The following CYRIB variants were observed in gnomAD, a reference collection of about 807,000 sequenced individuals.
CYRIB encodes CYFIP-related Rac1 interactor B.
In CYRIB, 8 loss-of-function variants were observed where a neutral mutation model predicts 44.2. The observed-to-expected ratio is 0.18, with a 90% CI of 0.11 to 0.33. The LOEUF (loss-of-function observed/expected upper bound fraction) is 0.33, where lower values mean the gene tolerates loss of function less well. Ranked by LOEUF, CYRIB falls within the 10% of genes least tolerant of loss-of-function variation. The pLI, the probability that CYRIB is intolerant of heterozygous loss-of-function variation, is 1.00. For missense variants in CYRIB, 185 were observed against 382.8 expected (o/e 0.48, Z 4.31); for synonymous variants, 131 against 127.2 (o/e 1.03, Z -0.20).
At chr8:129,862,970 T>C (rs920730090) in intron 4 of CYRIB, among the ~76,000 whole-genome samples, 1 of 152,146 alleles carries the variant, frequency 6.6e-6, no homozygotes, top group Non-Finnish European at 1.5e-5. Context: ...ATCCAATATG[T>C]TTGTTAAATA....
rs140786455 is a variant in CYRIB, at chr8:130,012,969, C to A, written c.-296+3401G>T. Among the ~76,000 whole-genome samples, 329 of 152,282 alleles carry A rather than the reference C, an allele frequency of 2.2e-3. 3 individuals carry two copies. Among genetic ancestry groups the A allele is most frequent in the African/African-American group, 7.3e-3 (302 of 41,558 alleles). On this transcript the variant is annotated intron_variant, in intron 1 of 14. Transcript: ENST00000401979. ...TTACAAGGCGTCCGTCTTCAACAGG[C>A]CTTTATCAAGTATCCCCTTTAGGGA...
At chr8:129,911,530 G>A (rs758828917) in intron 1 of CYRIB, among the ~76,000 whole-genome samples, 4 of 151,914 alleles carry the variant, frequency 2.6e-5, no homozygotes, top group South Asian at 2.1e-4. Flanking sequence ...GGCCGGACGC[G>A]GTGGCTCACA....
chr8:129,977,787 C>T (rs112226302), intron 1 of CYRIB, among the ~76,000 whole-genome samples: 4,282 of 152,304 alleles, frequency 0.028, 188 homozygotes, highest in African/African-American at 0.094. Context: ...CCGCCTTGGC[C>T]TCCCAAAGTG....
chr8:129,910,477 CTTTTTTTTTTTTTT>C (rs1171288097), intron 1 of CYRIB, among the ~76,000 whole-genome samples: 2 of 110,656 alleles, frequency 1.8e-5, no homozygotes, highest in Non-Finnish European at 3.7e-5. Context: ...CCTTCTTTCA[CTTTTTTTTTTTTTT>C]TTTTTTTTTT....
intron 4 of CYRIB, chr8:129,864,695 A>G: frequency 3.5e-6 from 1 of 285,550 alleles, no homozygotes; most frequent in East Asian, 9.7e-5. Flanking sequence ...TAAGGGTGCA[A>G]TGTATGGGTA....
chr8:129,936,325 T>C (rs992735985), intron 1 of CYRIB, among the ~76,000 whole-genome samples: 6 of 152,206 alleles, frequency 3.9e-5, no homozygotes, highest in Non-Finnish European at 8.8e-5. Context: ...CTTACTTTCC[T>C]AATGTTAATT....
intron 2 of CYRIB, among the ~76,000 whole-genome samples, chr8:129,884,470 TAG>T (rs2134206364): frequency 6.6e-6 from 1 of 152,154 alleles, no homozygotes. Context: ...GTATTTTTAG[TAG>T]AGACAGGGTT....
intron 1 of CYRIB, among the ~76,000 whole-genome samples, chr8:129,919,759 ATCT>A (rs2082598659): frequency 6.6e-6 from 1 of 152,198 alleles, no homozygotes; most frequent in Non-Finnish European, 1.5e-5. Flanking sequence ...GAAAAGGAAA[ATCT>A]TCTCCTATAC....
intron 1 of CYRIB, among the ~76,000 whole-genome samples, chr8:129,975,329 A>AGGAG (rs763589512): frequency 2.8e-4 from 43 of 152,312 alleles, no homozygotes; most frequent in Middle Eastern, 3.4e-3. Flanking sequence ...ATGATTTTTA[A>AGGAG]GGAAGACATT....
rs189727217 is a variant in CYRIB, at chr8:130,008,833, G to T, written c.-296+7537C>A. On this transcript the variant is annotated intron_variant, in intron 1 of 14. Transcript: ENST00000401979. ...CAGGGGAGCAAAGCAGACATTTTAG[G>T]AAGTTATTGCCCAAGTTTCACTTCC... is the stretch of plus-strand genomic sequence containing the variant. Among the ~76,000 whole-genome samples the T allele has an allele frequency of 2.0e-5, 3 of 152,316 alleles. No individual in the cohort carries two copies. In the East Asian group the frequency reaches 5.8e-4, roughly 29 times the overall value.
intron 1 of CYRIB, among the ~76,000 whole-genome samples, chr8:129,988,883 T>G (rs982150175): frequency 6.6e-6 from 1 of 151,856 alleles, no homozygotes; most frequent in Non-Finnish European, 1.5e-5. Context: ...ACGCTGCACA[T>G]GAACTGAGAG....
intron 3 of CYRIB, 45 bp downstream of exon 5, chr8:129,879,344 G>T: frequency 7.8e-7 from 1 of 1,283,572 alleles, no homozygotes; most frequent in Non-Finnish European, 1.1e-6. Flanking sequence ...GACAAACGCA[G>T]TCTACTGCAG....
chr8:129,852,734 C>T (rs1435030800), intron 7 of CYRIB, among the ~76,000 whole-genome samples: 1 of 152,112 alleles, frequency 6.6e-6, no homozygotes, highest in Admixed American at 6.5e-5. Context: ...CAAGGTATTC[C>T]AATCTGGCAG....
At chr8:129,956,246 C>CT (rs558396305) in intron 2 of CYRIB, among the ~76,000 whole-genome samples, 49 of 152,166 alleles carry the variant, frequency 3.2e-4, no homozygotes, top group Non-Finnish European at 5.7e-4. Context: ...ACCATTGTCA[C>CT]TTCCATTATC....
chr8:130,014,873 T>C (rs1243598136), intron 1 of CYRIB, among the ~76,000 whole-genome samples: 1 of 152,134 alleles, frequency 6.6e-6, no homozygotes, highest in Non-Finnish European at 1.5e-5. Flanking sequence ...AAAAGTCACC[T>C]CTTCCGGGCT....
intron 1 of CYRIB, among the ~76,000 whole-genome samples, chr8:129,938,563 T>C (rs868760373): frequency 2.0e-5 from 3 of 152,170 alleles, no homozygotes; most frequent in Admixed American, 2.0e-4. Context: ...GAATGGCACT[T>C]TGTGGTACTC....
chr8:129,882,130 C>A (rs2061003083), intron 2 of CYRIB, among the ~76,000 whole-genome samples: 1 of 152,126 alleles, frequency 6.6e-6, no homozygotes, highest in South Asian at 2.1e-4. Context: ...ATTGGAACTA[C>A]AGATGAAAAA....
At chr8:129,994,986 G>T (rs932293516) in intron 1 of CYRIB, among the ~76,000 whole-genome samples, 3 of 152,218 alleles carry the variant, frequency 2.0e-5, no homozygotes, top group Admixed American at 1.3e-4. Context: ...GCCAAGCTGA[G>T]GCCACAGGCT....
chr8:129,993,871 A>AG (rs1297245814), intron 1 of CYRIB, among the ~76,000 whole-genome samples: 2 of 150,326 alleles, frequency 1.3e-5, no homozygotes, highest in Non-Finnish European at 3.0e-5. Flanking sequence ...CAAAAAAAAA[A>AG]AAAGGAGTCC....
Sources: gnomAD v4.1 joint callset for allele counts (sites outside exome capture counted in the v4.1 genomes callset) on GRCh38, gnomAD v4.1.1 for gene constraint, MANE v1.5 for transcripts, NCBI Gene and HGNC (gene_info 2026-07-23, HGNC 2026-07-21) for gene names.